The following VKORC1L1 variants were observed in gnomAD, a reference collection of about 807,000 sequenced individuals.
VKORC1L1 encodes the protein vitamin K epoxide reductase complex subunit 1-like protein 1.
Under a neutral mutation model 18.9 loss-of-function variants are expected in VKORC1L1, and 2 were observed. That is an observed-to-expected ratio of 0.11 (90% CI 0.04 to 0.33). VKORC1L1 has a LOEUF of 0.33. Ranked by LOEUF, VKORC1L1 falls within the 10% of genes least tolerant of loss-of-function variation. VKORC1L1 has a pLI of 1.00. For synonymous variants in VKORC1L1, 96 were observed against 100.0 expected (o/e 0.96, Z 0.24); for missense variants, 123 against 224.1 (o/e 0.55, Z 2.88).
rs572791337 is a variant in VKORC1L1, at chr7:65,917,797, A to G, written c.195-30874A>G. ...CACATTTTCTTTTGAGCCAAAATAC[A>G]CATACAATGAAATACACAGATTTGA... On this transcript the variant is annotated intron_variant, in intron 1 of 2. Transcript: ENST00000360768. Among the ~76,000 whole-genome samples the G allele has an allele frequency of 4.6e-5, 7 of 152,358 alleles. No individual in the cohort carries two copies. In the East Asian group the frequency reaches 1.3e-3, roughly 29 times the overall value.
In VKORC1L1 at chr7:65,955,353, T is replaced by C. The variant is rs3735141; in HGVS notation, c.*1053T>C. On this transcript the variant is annotated 3_prime_UTR_variant, in exon 3 of 3. Coordinates refer to ENST00000360768, the MANE Select transcript of VKORC1L1 (RefSeq NM_173517.6). ...AGTGTTCTTGCTAATTGTTTCTTTC[T>C]GCACTAACCACTCAGATGTCTAATT... 0.037 allele frequency: 5,660 copies of C among 152,328 alleles called. 159 individuals are homozygous for C. The highest frequency in any genetic ancestry group is 0.089 in the East Asian group (463 of 5,184). 9.4% of individuals were successfully genotyped at this position (152,328 alleles called of 1,614,324 possible). A position where few individuals can be genotyped will look rare whatever the true frequency, so the allele number is the denominator to read the frequency against.
chr7:65,904,002 G>A (rs1389504472), intron 1 of VKORC1L1, among the ~76,000 whole-genome samples: 2 of 152,120 alleles, frequency 1.3e-5, no homozygotes, highest in African/African-American at 2.4e-5. Context: ...ACAGGTACAG[G>A]ATTTCCCTTT....
At chr7:65,901,062 G>GA (rs1453299073) in intron 1 of VKORC1L1, among the ~76,000 whole-genome samples, 3 of 152,064 alleles carry the variant, frequency 2.0e-5, no homozygotes, top group Non-Finnish European at 4.4e-5. Flanking sequence ...CAAGATTCAA[G>GA]AATCAGAAAT....
intron 1 of VKORC1L1, among the ~76,000 whole-genome samples, chr7:65,910,338 T>C (rs1789483183): frequency 6.6e-6 from 1 of 150,426 alleles, no homozygotes; most frequent in Non-Finnish European, 1.5e-5. Flanking sequence ...ACTACACACA[T>C]ACTGTTTAGT....
At chr7:65,919,826 GGC>G (rs1306641179) in intron 1 of VKORC1L1, among the ~76,000 whole-genome samples, 10 of 152,164 alleles carry the variant, frequency 6.6e-5, no homozygotes, top group African/African-American at 2.4e-4. Context: ...GGGAAGTAGA[GGC>G]GGGCAGATCA....
At position 65,873,516 on chromosome 7, in the gene VKORC1L1, C is replaced by T. The variant is rs761338410; in HGVS notation, c.145C>T (p.Leu49Phe). 1.1e-5 allele frequency: 18 copies of T among 1,590,530 alleles called. No individual in the cohort carries two copies. The highest frequency in any genetic ancestry group is 1.4e-5 in the Non-Finnish European group (16 of 1,170,894). Residue 49 changes from leucine (L) to phenylalanine (F), a missense_variant, in exon 1 of 3, where the codon CTC becomes TTC. Leu to Phe is a conservative substitution (Grantham distance 22). Coordinates refer to ENST00000360768, the MANE Select transcript of VKORC1L1 (RefSeq NM_173517.6). The stretch of plus-strand genomic sequence containing the variant: ...GGAGCGGGACCCCGAGCACCGGGCC[C>T]TCTGCGACCTGGGGCCCTGGGTGAA... ...EKERDPEHRA[L>F]CDLGPWVKCS...
chr7:65,922,174 C>T (rs1361233424), intron 1 of VKORC1L1, among the ~76,000 whole-genome samples: 1 of 123,236 alleles, frequency 8.1e-6, no homozygotes, highest in East Asian at 3.4e-4. Flanking sequence ...CTCCACAAGA[C>T]ATTTTGTTTG....
intron 1 of VKORC1L1, among the ~76,000 whole-genome samples, chr7:65,912,749 G>A (rs1019957490): frequency 6.6e-6 from 1 of 151,908 alleles, no homozygotes; most frequent in Non-Finnish European, 1.5e-5. Context: ...TCTATACTTT[G>A]TAAAATACAA....
chr7:65,887,806 TTTTG>T (rs1192119650), intron 1 of VKORC1L1, among the ~76,000 whole-genome samples: 1 of 152,210 alleles, frequency 6.6e-6, no homozygotes. Flanking sequence ...CCTTTTTTAA[TTTTG>T]TTTTTTTTCC....
At chr7:65,947,116 A>T (rs1334300698) in intron 1 of VKORC1L1, among the ~76,000 whole-genome samples, 3 of 152,178 alleles carry the variant, frequency 2.0e-5, no homozygotes, top group Non-Finnish European at 4.4e-5. Flanking sequence ...AGCCTGGGCA[A>T]CAGAGGAACA....
At chr7:65,941,820 G>A (rs1354784271) in intron 1 of VKORC1L1, among the ~76,000 whole-genome samples, 2 of 151,660 alleles carry the variant, frequency 1.3e-5, no homozygotes, top group African/African-American at 4.8e-5. Flanking sequence ...GGACTATAAG[G>A]CGAGTGCTAC....
chr7:65,941,286 T>C (rs1790028373), intron 1 of VKORC1L1, among the ~76,000 whole-genome samples: 1 of 151,986 alleles, frequency 6.6e-6, no homozygotes, highest in South Asian at 2.1e-4. Context: ...TTTTCTTTCT[T>C]CTTTTTTTAG....
chr7:65,921,242 T>C (rs910152488), intron 1 of VKORC1L1, among the ~76,000 whole-genome samples: 5 of 152,228 alleles, frequency 3.3e-5, no homozygotes, highest in Non-Finnish European at 5.9e-5. Flanking sequence ...AATTTAATTA[T>C]GAATATATTT....
At chr7:65,944,547 AT>A (rs1474830840) in intron 1 of VKORC1L1, among the ~76,000 whole-genome samples, 2 of 151,982 alleles carry the variant, frequency 1.3e-5, no homozygotes, top group African/African-American at 2.4e-5. Flanking sequence ...AAAATAATAC[AT>A]GGGTGTTTAT....
chr7:65,938,265 T>C (rs552587547), intron 1 of VKORC1L1, among the ~76,000 whole-genome samples: 1 of 152,190 alleles, frequency 6.6e-6, no homozygotes, highest in South Asian at 2.1e-4. Flanking sequence ...AAAGGAATAA[T>C]CAGAGACTAA....
Position 65,898,347 on chromosome 7 carries a change from G to A in VKORC1L1, c.194+24782G>A, listed in dbSNP as rs1029043385. The stretch of plus-strand genomic sequence containing the variant: ...GATCCACCCACCTCGGCCTCCCAAA[G>A]TGTTGGGATTACAGGTGTGAGCCAC... On this transcript the variant is annotated intron_variant, in intron 1 of 2. Coordinates refer to ENST00000360768, the MANE Select transcript of VKORC1L1 (RefSeq NM_173517.6). Among the ~76,000 whole-genome samples the A allele has an allele frequency of 4.8e-4, 73 of 152,168 alleles. 1 individual carries two copies. Among genetic ancestry groups the A allele is most frequent in the Middle Eastern group, 6.8e-3 (2 of 294 alleles).
At chr7:65,934,844 G>A (rs1340304922) in intron 1 of VKORC1L1, among the ~76,000 whole-genome samples, 1 of 152,078 alleles carries the variant, frequency 6.6e-6, no homozygotes, top group Non-Finnish European at 1.5e-5. Context: ...CACGAGGTCA[G>A]GAGTTCGAGA....
At chr7:65,891,193 CTTTG>C (rs1403791784) in intron 1 of VKORC1L1, among the ~76,000 whole-genome samples, 3 of 150,882 alleles carry the variant, frequency 2.0e-5, no homozygotes, top group Non-Finnish European at 4.4e-5. Flanking sequence ...TTATATTACC[CTTTG>C]TTTATTCATT....
chr7:65,932,639 G>A (rs1300881110), intron 1 of VKORC1L1, among the ~76,000 whole-genome samples: 4 of 152,146 alleles, frequency 2.6e-5, no homozygotes, highest in Non-Finnish European at 5.9e-5. Flanking sequence ...ATATCTTTCT[G>A]TATGAGTTCT....
Sources: allele counts gnomAD v4.1 joint callset (sites outside exome capture counted in the v4.1 genomes callset), GRCh38; gene constraint gnomAD v4.1.1; transcripts MANE v1.5; gene names NCBI Gene and HGNC (gene_info 2026-07-23, HGNC 2026-07-21).